Variants in PIKFYVE observed in about 807,000 individuals in gnomAD.
PIKFYVE encodes the protein 1-phosphatidylinositol 3-phosphate 5-kinase.
PIKFYVE carries 122 observed loss-of-function variants against 257.9 expected under a neutral mutation model. The observed-to-expected ratio is 0.47, with a 90% CI of 0.41 to 0.55. PIKFYVE has a LOEUF of 0.55. Among genes scored for constraint, PIKFYVE ranks in the 20% least tolerant of loss-of-function variants. PIKFYVE has a pLI of 0.00. For missense variants in PIKFYVE, 2,160 were observed against 2,536.6 expected, an observed-to-expected ratio of 0.85 and a Z score of 3.19; for synonymous variants, 892 against 868.9, an observed-to-expected ratio of 1.03 and a Z score of -0.47.
At chr2:208,270,058 TTG>T in intron 1 of PIKFYVE, 1 of 162,648 alleles carries the variant, frequency 6.1e-6, no homozygotes, top group Non-Finnish European at 1.4e-5. Flanking sequence ...TTTTTTTTTT[TTG>T]TGGATGGAGT....
intron 10 of PIKFYVE, 158 bp downstream of exon 10, chr2:208,302,511 G>A (rs1181266922): frequency 4.5e-6 from 3 of 673,724 alleles, no homozygotes; most frequent in African/African-American, 3.6e-5. Context: ...TTGGTAGGCA[G>A]CAGTGATGAA....
At chr2:208,307,741 C>T (rs1336601690) in intron 12 of PIKFYVE, among the ~76,000 whole-genome samples, 1 of 152,054 alleles carries the variant, frequency 6.6e-6, no homozygotes, top group Non-Finnish European at 1.5e-5. Flanking sequence ...AACCCCATTT[C>T]CATTTTTTAT....
intron 21 of PIKFYVE, 21 bp from the exon 22 acceptor site, chr2:208,329,821 A>G (rs759129255): frequency 4.3e-6 from 7 of 1,609,630 alleles, no homozygotes; most frequent in Non-Finnish European, 5.9e-6. Context: ...TTATGTTTCT[A>G]AGAGGTGGTC....
At chr2:208,267,292 A>G (rs981157491) in intron 1 of PIKFYVE, among the ~76,000 whole-genome samples, 5 of 152,116 alleles carry the variant, frequency 3.3e-5, no homozygotes, top group African/African-American at 1.2e-4. Flanking sequence ...CTTACAAAAA[A>G]TGTTCTTTCT....
At position 208,350,851 on chromosome 2, in the gene PIKFYVE, G is replaced by A. The variant is rs1699710715; in HGVS notation, c.5515G>A (p.Asp1839Asn). Residue 1839 changes from aspartate (D) to asparagine (N), a missense_variant, in exon 37 of 42, where the codon GAC (aspartate) becomes AAC (asparagine). Transcript: ENST00000264380. ...TCATAAGATGCGTGAAGTGATTCTG[G>A]ACAGCAGTGAAGAAGATTTCATTCG... ...EFHKMREVIL[D>N]SSEEDFIRSL... is the part of the protein sequence containing the mutation. 6.2e-7 allele frequency: 1 copy of A among 1,614,044 alleles called. No homozygotes were observed. Among genetic ancestry groups the A allele is most frequent in the Admixed American group, 1.7e-5 (1 of 60,000 alleles).
intron 7 of PIKFYVE, 148 bp from the exon 8 acceptor site, chr2:208,298,493 T>C (rs1693270484): frequency 1.0e-6 from 1 of 1,000,866 alleles, no homozygotes; most frequent in East Asian, 2.7e-5. Flanking sequence ...CTCCCAATGA[T>C]AATATCATGC....
At chr2:208,349,426 T>C (rs1699552083) in intron 35 of PIKFYVE, among the ~76,000 whole-genome samples, 1 of 151,422 alleles carries the variant, frequency 6.6e-6, no homozygotes, top group South Asian at 2.1e-4. Context: ...AAAAAATAGC[T>C]CTGACATAGA....
chr2:208,317,825 T>G (rs1695723075), intron 15 of PIKFYVE, 42 bp from the exon 16 acceptor site: 1 of 1,499,448 alleles, frequency 6.7e-7, no homozygotes, highest in East Asian at 2.3e-5. Context: ...ATTCTAAGCA[T>G]GTTATCATTG....
At chr2:208,319,463 G>A (rs929030970) in intron 16 of PIKFYVE, among the ~76,000 whole-genome samples, 3 of 152,186 alleles carry the variant, frequency 2.0e-5, no homozygotes, top group Admixed American at 6.5e-5. Flanking sequence ...TTCTCAGAAA[G>A]TGAGGAAAAT....
At chr2:208,277,389 TG>T in intron 4 of PIKFYVE, 147 bp from the exon 5 acceptor site, 1 of 790,118 alleles carries the variant, frequency 1.3e-6, no homozygotes, top group South Asian at 1.7e-5. Context: ...TCTTCAAGAT[TG>T]TCTTGGTTAT....
intron 21 of PIKFYVE, 116 bp from the exon 22 acceptor site, chr2:208,329,726 T>G: frequency 6.7e-7 from 1 of 1,502,296 alleles, no homozygotes; most frequent in Admixed American, 2.0e-5. Context: ...CATTACCTCC[T>G]TTCATACTTC....
intron 7 of PIKFYVE, among the ~76,000 whole-genome samples, chr2:208,297,744 A>G (rs909358379): frequency 5.9e-5 from 9 of 151,888 alleles, no homozygotes; most frequent in African/African-American, 2.2e-4. Flanking sequence ...TTTATCCTTT[A>G]TGTGGAGGCT....
Position 208,320,278 on chromosome 2 carries a change from AATT to A in PIKFYVE, c.2110_2112del (p.Ile704del). ...TGAGTTCTTGTATTAAAAACCCCAA[AATT>A]CTTCTGTTGAAGTGTTCCATTGAGT... On this transcript the variant is annotated inframe_deletion, in exon 17 of 42. Transcript: ENST00000264380. 1 of 1,611,776 alleles carries A rather than the reference AATT, an allele frequency of 6.2e-7. No individual in the cohort carries two copies. Among genetic ancestry groups the A allele is most frequent in the Non-Finnish European group, 8.5e-7 (1 of 1,178,576 alleles).
chr2:208,341,466 T>C (rs139549029), intron 31 of PIKFYVE, among the ~76,000 whole-genome samples: 203 of 152,292 alleles, frequency 1.3e-3, no homozygotes, highest in African/African-American at 4.6e-3. Context: ...GTTTCTATTA[T>C]ATGCTCTTAT....
intron 36 of PIKFYVE, 124 bp from the exon 37 acceptor site, chr2:208,350,647 G>T: frequency 9.9e-7 from 1 of 1,005,228 alleles, no homozygotes; most frequent in South Asian, 1.4e-5. Context: ...GATCTAACAT[G>T]CAAAATGCCA....
At chr2:208,271,036 CAAA>C (rs199927508) in intron 1 of PIKFYVE, among the ~76,000 whole-genome samples, 13 of 80,478 alleles carry the variant, frequency 1.6e-4, no homozygotes, top group African/African-American at 5.1e-4. Flanking sequence ...ACTCCATCTC[CAAA>C]AAAAAAAAAA....
chr2:208,272,108 G>A (rs933731732), intron 2 of PIKFYVE, among the ~76,000 whole-genome samples: 9 of 151,838 alleles, frequency 5.9e-5, no homozygotes, highest in African/African-American at 2.2e-4. Flanking sequence ...GGTGGCAGGC[G>A]CCTGTAGTCC....
At chr2:208,327,752 G>A (rs1208077359) in intron 20 of PIKFYVE, among the ~76,000 whole-genome samples, 1 of 152,110 alleles carries the variant, frequency 6.6e-6, no homozygotes, top group Non-Finnish European at 1.5e-5. Context: ...TTAACAGAGA[G>A]CTGGTTTTAC....
chr2:208,345,332 A>G, intron 33 of PIKFYVE, 138 bp downstream of exon 33: 1 of 750,112 alleles, frequency 1.3e-6, no homozygotes. Flanking sequence ...ATTTCAGCCA[A>G]TAATTGAGAC....
Sources: gnomAD v4.1 joint callset for allele counts (sites outside exome capture counted in the v4.1 genomes callset) on GRCh38, gnomAD v4.1.1 for gene constraint, MANE v1.5 for transcripts, NCBI Gene and HGNC (gene_info 2026-07-23, HGNC 2026-07-21) for gene names.